The following SCN1A variants were observed in gnomAD, a reference collection of about 807,000 sequenced individuals.
SCN1A encodes the protein sodium voltage-gated channel alpha subunit 1, also known as sodium channel protein type 1 subunit alpha.
SCN1A carries 13 observed loss-of-function variants against 193.7 expected under a neutral mutation model. The observed-to-expected ratio is 0.07, with a 90% CI of 0.04 to 0.11. The LOEUF is 0.11. SCN1A is among the 10% of genes least tolerant of loss of function. SCN1A has a pLI of 1.00. For missense variants in SCN1A, 1,432 were observed against 2,451.1 expected, an observed-to-expected ratio of 0.58 and a Z score of 8.78; for synonymous variants, 781 against 843.6, an observed-to-expected ratio of 0.93 and a Z score of 1.29.
chr2:166,015,508 C>T, intron 20 of SCN1A, 99 bp downstream of exon 20: 1 of 1,431,000 alleles, frequency 7.0e-7, no homozygotes, highest in South Asian at 1.2e-5. Context: ...ATATCTATTA[C>T]AAAGTGCCAT....
chr2:166,047,282 A>G (rs988117298), intron 11 of SCN1A, among the ~76,000 whole-genome samples: 1 of 152,104 alleles, frequency 6.6e-6, no homozygotes, highest in African/African-American at 2.4e-5. Context: ...GAACAGACCA[A>G]AGTTATCTTT....
intron 27 of SCN1A, among the ~76,000 whole-genome samples, chr2:165,994,686 A>G (rs556260249): frequency 6.6e-6 from 1 of 151,082 alleles, no homozygotes; most frequent in South Asian, 2.1e-4. Flanking sequence ...AACAAAAGAA[A>G]CATTCAACAC....
Position 165,994,369 on chromosome 2 carries a change from A to G in SCN1A, c.4629T>C (p.Phe1543=), listed in dbSNP as rs1329723137. Residue 1543 remains phenylalanine, a synonymous_variant, in exon 28 of 29, where the codon TTT becomes TTC. Transcript: ENST00000674923. ...MVFDFVTRQV[F]DISIMILICL... ...AGATGAGAATCATGATGCTTATGTC[A>G]AAAACTTGTCTGGTTACGAAGTCAA... 1 of 1,612,928 alleles carries G rather than the reference A, an allele frequency of 6.2e-7. No homozygotes were observed. The highest frequency in any genetic ancestry group is 8.5e-7 in the Non-Finnish European group (1 of 1,179,314).
chr2:166,104,839 A>G (rs1055950145), intron 2 of SCN1A, among the ~76,000 whole-genome samples: 2 of 152,218 alleles, frequency 1.3e-5, no homozygotes, highest in African/African-American at 4.8e-5. Flanking sequence ...TTTGTCTTAG[A>G]GCCGATTTGG....
At chr2:166,076,287 CT>C (rs1212504317) in intron 3 of SCN1A, among the ~76,000 whole-genome samples, 1 of 151,796 alleles carries the variant, frequency 6.6e-6, no homozygotes, top group African/African-American at 2.4e-5. Flanking sequence ...TCTGTATCAC[CT>C]TTCCCTCTTG....
At chr2:166,070,514 C>G (rs751605245) in intron 4 of SCN1A, among the ~76,000 whole-genome samples, 1 of 152,168 alleles carries the variant, frequency 6.6e-6, no homozygotes, top group Non-Finnish European at 1.5e-5. Flanking sequence ...CAAGTTTAGA[C>G]GTGAGCCTAA....
At position 166,127,824 on chromosome 2, in the gene SCN1A, C is replaced by T. The variant is rs970700811; in HGVS notation, c.-282G>A. The T allele has an allele frequency of 6.6e-6, 1 of 152,074 alleles. No homozygotes were observed. The highest frequency in any genetic ancestry group is 6.5e-5 in the Admixed American group (1 of 15,268). 9.4% of individuals were successfully genotyped at this position (152,074 alleles called of 1,614,324 possible). A position where few individuals can be genotyped will look rare whatever the true frequency, so the allele number is the denominator to read the frequency against. ...AGTGAGGAACAGCATCACCCAAAGA[C>T]GAGATGATAACAATGTGCCTTCAGT... On this transcript the variant is annotated 5_prime_UTR_variant, in exon 1 of 29. Coordinates refer to ENST00000674923, the MANE Select transcript of SCN1A (RefSeq NM_001165963.4).
intron 2 of SCN1A, among the ~76,000 whole-genome samples, chr2:166,097,727 G>A (rs1330056826): frequency 6.6e-6 from 1 of 152,112 alleles, no homozygotes; most frequent in Non-Finnish European, 1.5e-5. Flanking sequence ...GTACAGATGT[G>A]TATCACCTGA....
intron 4 of SCN1A, among the ~76,000 whole-genome samples, chr2:166,070,728 G>C (rs953062994): frequency 6.6e-6 from 1 of 151,882 alleles, no homozygotes; most frequent in Admixed American, 6.6e-5. Flanking sequence ...ACATCCCCTC[G>C]AGACAATCAC....
At chr2:166,107,328 C>A (rs2106177107) in intron 2 of SCN1A, among the ~76,000 whole-genome samples, 1 of 152,210 alleles carries the variant, frequency 6.6e-6, no homozygotes, top group East Asian at 1.9e-4. Flanking sequence ...CCTTTGCATT[C>A]TTCACTGTAT....
At chr2:166,042,471 T>G in intron 14 of SCN1A, 47 bp from the exon 15 acceptor site, 1 of 1,590,766 alleles carries the variant, frequency 6.3e-7, no homozygotes, top group Non-Finnish European at 8.6e-7. Flanking sequence ...TTGAGCAATA[T>G]GACAAGCAAA....
Position 166,048,936 on chromosome 2 carries a change from G to A in SCN1A, c.978C>T (p.Phe326=), listed in dbSNP as rs148669964. ...SYIQDSRYHY[F]LEGFLDALLC... ...GTAGTGCATCTAAAAAACCCTCCAGGAAATAATGATATCCTGTTTGAAAAA... is the reference window on the plus strand; with the variant it reads ...GTAGTGCATCTAAAAAACCCTCCAGAAAATAATGATATCCTGTTTGAAAAA... The change falls in exon 10 of 29, where the codon TTC becomes TTT. Residue 326 remains phenylalanine, a synonymous_variant. Transcript: ENST00000674923. 1 of 1,601,942 alleles carries A rather than the reference G, an allele frequency of 6.2e-7. No individual in the cohort carries two copies. The highest frequency in any genetic ancestry group is 2.2e-5 in the East Asian group (1 of 44,610).
Position 166,052,951 on chromosome 2 carries a change from A to G in SCN1A, c.603-8T>C. 1 of 1,608,788 alleles carries G rather than the reference A, an allele frequency of 6.2e-7. No individual in the cohort carries two copies. The highest frequency in any genetic ancestry group is 8.5e-7 in the Non-Finnish European group (1 of 1,175,880). ...ACAAACTCTGTGACGTACCTGTAAT[A>G]GGGAGTTCACACACAAACACAAAAA... On this transcript the variant is annotated splice_polypyrimidine_tract_variant and splice_region_variant and intron_variant, in intron 7 of 28. Transcript: ENST00000674923.
At chr2:166,070,406 T>A (rs1684291043) in intron 4 of SCN1A, among the ~76,000 whole-genome samples, 1 of 152,202 alleles carries the variant, frequency 6.6e-6, no homozygotes, top group African/African-American at 2.4e-5. Context: ...CTTATCAGGT[T>A]GTTCTACTTG....
intron 2 of SCN1A, among the ~76,000 whole-genome samples, chr2:166,116,287 G>A (rs540309843): frequency 1.1e-4 from 16 of 152,178 alleles, no homozygotes; most frequent in Admixed American, 2.0e-4. Context: ...TCTTACATTG[G>A]TTTAGGTGAG....
Position 166,100,304 on chromosome 2 carries a change from A to T in SCN1A, c.-141-22503T>A, listed in dbSNP as rs1411753801. Among the ~76,000 whole-genome samples the T allele has an allele frequency of 8.4e-5, 11 of 131,630 alleles. No individual in the cohort carries two copies. The East Asian group carries it at 2.4e-3, about 29-fold the overall frequency. The allele number at this position is 131,630 out of a possible 152,430, so 86.4% of individuals were successfully genotyped here. ...ATAAATGGTGCTGGGAAAACTGGCT[A>T]GCCATATGTAGAAAGCTGAAACTGG... On this transcript the variant is annotated intron_variant, in intron 2 of 28. Coordinates refer to ENST00000674923, the MANE Select transcript of SCN1A (RefSeq NM_001165963.4).
intron 10 of SCN1A, among the ~76,000 whole-genome samples, 184 bp downstream of exon 10, chr2:166,048,702 G>C (rs1698145404): frequency 6.6e-6 from 1 of 151,920 alleles, no homozygotes. Flanking sequence ...TCTTGTTTTA[G>C]AAAACATAAA....
chr2:166,044,170 C>T, intron 13 of SCN1A, 121 bp from the exon 14 acceptor site: 1 of 1,115,570 alleles, frequency 9.0e-7, no homozygotes, highest in Non-Finnish European at 1.3e-6. Context: ...TGGTTCATTC[C>T]TTTTGATTAT....
intron 19 of SCN1A, among the ~76,000 whole-genome samples, chr2:166,025,625 A>G (rs1309304047): frequency 3.9e-5 from 6 of 152,214 alleles, no homozygotes; most frequent in Non-Finnish European, 8.8e-5. Flanking sequence ...GGCAAGTGTC[A>G]TTGAGATCAT....
Sources: gnomAD v4.1 joint callset for allele counts (sites outside exome capture counted in the v4.1 genomes callset) on GRCh38, gnomAD v4.1.1 for gene constraint, MANE v1.5 for transcripts, NCBI Gene and HGNC (gene_info 2026-07-23, HGNC 2026-07-21) for gene names.